PCDHGA2: variants seen among roughly 807,000 people sequenced by gnomAD.
The protein encoded by PCDHGA2 is protocadherin gamma-A2.
Under a neutral mutation model 59.2 loss-of-function variants are expected in PCDHGA2, and 40 were observed. That is an observed-to-expected ratio of 0.68 (90% CI 0.52 to 0.88). The LOEUF is 0.88. PCDHGA2 is among the 40% of genes least tolerant of loss of function. PCDHGA2 has a pLI of 0.00. For missense variants in PCDHGA2, 1,226 were observed against 1,204.0 expected (o/e 1.02, Z -0.27); for synonymous variants, 560 against 526.0 (o/e 1.06, Z -0.89).
intron 2 of PCDHGA2, among the ~76,000 whole-genome samples, chr5:141,495,193 T>C (rs1471524188): frequency 6.6e-6 from 1 of 152,192 alleles, no homozygotes; most frequent in Admixed American, 6.5e-5. Context: ...TCTATGCCCA[T>C]GTACTGCCTA....
At chr5:141,366,209 C>A (rs371864119) in intron 1 of PCDHGA2, 11 of 1,613,698 alleles carry the variant, frequency 6.8e-6, no homozygotes, top group African/African-American at 1.3e-5. Flanking sequence ...GGGCGAGGTG[C>A]GCACAGCGCG....
Position 141,489,585 on chromosome 5 carries a change from G to C in PCDHGA2, c.2425-5222G>C. The C allele has an allele frequency of 6.2e-7, 1 of 1,614,090 alleles. No individual in the cohort carries two copies. On this transcript the variant is annotated intron_variant, in intron 1 of 3. Transcript: ENST00000394576. This position sits in a 1 kb window ranked among gnomAD's most constrained non-coding sequence, Gnocchi z 4.5. ...AGGTGGTGACTGAACACCCCCTGGA[G>C]CTAATCCGTGTAGAGGTAGAGATCC...
At chr5:141,492,505 C>A (rs1009723421) in intron 1 of PCDHGA2, among the ~76,000 whole-genome samples, 1 of 152,212 alleles carries the variant, frequency 6.6e-6, no homozygotes, top group Admixed American at 6.5e-5. Context: ...GACTCCGGAG[C>A]CTCCTCTCAC....
At chr5:141,347,112 C>CTCCT (rs753513852) in intron 1 of PCDHGA2, among the ~76,000 whole-genome samples, 6 of 80,984 alleles carry the variant, frequency 7.4e-5, no homozygotes, top group Non-Finnish European at 1.2e-4. Flanking sequence ...TCTCTCTTTC[C>CTCCT]TCCTTCCTTC....
intron 1 of PCDHGA2, among the ~76,000 whole-genome samples, chr5:141,380,518 T>C (rs1166161347): frequency 1.3e-5 from 2 of 152,254 alleles, no homozygotes; most frequent in African/African-American, 2.4e-5. Context: ...CTTTAAACTA[T>C]GAAATGATTT....
At chr5:141,373,374 A>C (rs548052832) in intron 1 of PCDHGA2, among the ~76,000 whole-genome samples, 1 of 152,352 alleles carries the variant, frequency 6.6e-6, no homozygotes, top group African/African-American at 2.4e-5. Flanking sequence ...GAATTGGTTC[A>C]AAATGTGTTT....
At chr5:141,344,170 G>A (rs1588457781) in intron 1 of PCDHGA2, 4 of 1,614,010 alleles carry the variant, frequency 2.5e-6, no homozygotes, top group African/African-American at 2.7e-5. Context: ...TCCTTCGTGG[G>A]CAACATCGCT....
chr5:141,468,229 G>A (rs1363462610), intron 1 of PCDHGA2, among the ~76,000 whole-genome samples: 4 of 150,884 alleles, frequency 2.7e-5, no homozygotes, highest in Non-Finnish European at 5.9e-5. Flanking sequence ...GGAGGATGAG[G>A]TAGGAGAATT....
chr5:141,388,514 GA>G (rs1218773677), intron 1 of PCDHGA2: 33 of 1,613,840 alleles, frequency 2.0e-5, no homozygotes, highest in Non-Finnish European at 2.8e-5. Flanking sequence ...CCTACCACTT[GA>G]CTTTGACTGC....
intron 1 of PCDHGA2, chr5:141,421,183 A>G (rs1286755310): frequency 2.7e-6 from 4 of 1,457,360 alleles, no homozygotes; most frequent in Admixed American, 4.8e-5. Flanking sequence ...CCGATTCACA[A>G]CCAACCAGCT....
chr5:141,432,073 C>T lies in PCDHGA2; in HGVS notation c.2425-62734C>T, dbSNP rs1276949951. On this transcript the variant is annotated intron_variant, in intron 1 of 3. Transcript: ENST00000394576. This position sits in a 1 kb window ranked among gnomAD's most constrained non-coding sequence, Gnocchi z 6.0. ...CGCCCCTATCCACGGAAACTCATAT[C>T]TCGCTGAACGTGGCAGACACCAACG... is the stretch of plus-strand genomic sequence containing the variant. 3.1e-6 allele frequency: 5 copies of T among 1,614,208 alleles called. No homozygotes were observed. Among genetic ancestry groups the T allele is most frequent in the Non-Finnish European group, 4.2e-6 (5 of 1,180,040 alleles).
rs1210691847 is a variant in PCDHGA2, at chr5:141,432,985, C to T, written c.2425-61822C>T. The stretch of plus-strand genomic sequence containing the variant: ...GAGCGCCGGCGTCGCACTTTGTGGG[C>T]GTGGACGGGGTGCAGGCTTTCCTGC... On this transcript the variant is annotated intron_variant, in intron 1 of 3. Transcript: ENST00000394576. The surrounding 1 kb of genome is among the most constrained non-coding windows in gnomAD (Gnocchi z 6.0). The T allele has an allele frequency of 3.1e-6, 5 of 1,614,176 alleles. No individual in the cohort carries two copies. The highest frequency in any genetic ancestry group is 4.2e-6 in the Non-Finnish European group (5 of 1,180,034).
At position 141,490,221 on chromosome 5, in the gene PCDHGA2, G is replaced by A; in HGVS notation, c.2425-4586G>A. 6.2e-7 allele frequency: 1 copy of A among 1,614,236 alleles called. No individual in the cohort carries two copies. The highest frequency in any genetic ancestry group is 1.1e-5 in the South Asian group (1 of 91,084). ...ATGCAAGAGCCCGTGACCAGGGACAGCCTGCCATGGAGGGCCACTGTGTGA... is the reference window on the plus strand; with the variant it reads ...ATGCAAGAGCCCGTGACCAGGGACAACCTGCCATGGAGGGCCACTGTGTGA... On this transcript the variant is annotated intron_variant, in intron 1 of 3. Transcript: ENST00000394576. The surrounding 1 kb of genome is among the most constrained non-coding windows in gnomAD (Gnocchi z 5.4).
At chr5:141,488,599 C>T (rs1017044328) in intron 1 of PCDHGA2, among the ~76,000 whole-genome samples, 1 of 152,152 alleles carries the variant, frequency 6.6e-6, no homozygotes, top group Non-Finnish European at 1.5e-5. Flanking sequence ...CAAGACTTTA[C>T]AAGGTTCTTA....
At chr5:141,403,314 T>C (rs1178188100) in intron 1 of PCDHGA2, 7 of 1,613,856 alleles carry the variant, frequency 4.3e-6, no homozygotes, top group Non-Finnish European at 5.1e-6. Flanking sequence ...GGAATAGAAA[T>C]AGAAGTAACT....
At position 141,432,707 on chromosome 5, in the gene PCDHGA2, G is replaced by A. The variant is rs750859951; in HGVS notation, c.2425-62100G>A. ...CCTCGTAGTGGCCGTCCAGGACCAC[G>A]GCCAGCCCCCTCTCTCCGCCACTGT... On this transcript the variant is annotated intron_variant, in intron 1 of 3. Coordinates refer to ENST00000394576, the MANE Select transcript of PCDHGA2 (RefSeq NM_018915.4). The surrounding 1 kb of genome is among the most constrained non-coding windows in gnomAD (Gnocchi z 6.0). 5 of 1,613,988 alleles carry A rather than the reference G, an allele frequency of 3.1e-6. No individual in the cohort carries two copies. Among genetic ancestry groups the A allele is most frequent in the Non-Finnish European group, 4.2e-6 (5 of 1,179,970 alleles).
chr5:141,410,222 G>A, intron 1 of PCDHGA2: 2 of 1,614,018 alleles, frequency 1.2e-6, no homozygotes, highest in South Asian at 2.2e-5. Flanking sequence ...GATACTGCCA[G>A]ACCTCAGCGA....
At chr5:141,362,190 G>C (rs772308908) in intron 1 of PCDHGA2, 39 of 1,613,930 alleles carry the variant, frequency 2.4e-5, no homozygotes, top group Non-Finnish European at 3.0e-5. Context: ...CTGACCCCCA[G>C]GCAAAACTGC....
At chr5:141,377,750 G>A (rs532331824) in intron 1 of PCDHGA2, 1 of 152,230 alleles carries the variant, frequency 6.6e-6, no homozygotes, top group South Asian at 2.1e-4. Context: ...ACTGCAGCAG[G>A]GGACACCAGA....
Sources: gnomAD v4.1 joint callset for allele counts (sites outside exome capture counted in the v4.1 genomes callset) on GRCh38, gnomAD v4.1.1 for gene constraint, Gnocchi (gnomAD v3.1) non-coding constraint, MANE v1.5 for transcripts, NCBI Gene and HGNC (gene_info 2026-07-23, HGNC 2026-07-21) for gene names.